EOMES: variants seen among roughly 807,000 people sequenced by gnomAD.
The protein encoded by EOMES is eomesodermin.
In EOMES, 18 loss-of-function variants were observed where a neutral mutation model predicts 61.0. The ratio of observed to expected loss-of-function variants is 0.30; its 90% CI spans 0.20 to 0.44. The LOEUF is 0.44. Among genes scored for constraint, EOMES ranks in the 20% least tolerant of loss-of-function variants. The pLI, the probability that EOMES is intolerant of heterozygous loss-of-function variation, is 1.00. For synonymous variants in EOMES, 430 were observed against 394.0 expected (o/e 1.09, Z -1.08); for missense variants, 885 against 939.2 (o/e 0.94, Z 0.75).
rs753008419 is a variant in EOMES, at chr3:27,722,256, G to A, written c.39C>T (p.Asn13=). The A allele has an allele frequency of 4.0e-5, 64 of 1,602,740 alleles. No individual in the cohort carries two copies. The highest frequency in any genetic ancestry group is 5.1e-5 in the Non-Finnish European group (60 of 1,175,754). ...GCGGGTAGAAGTGCGCGCCAGGCAGGTTCACTGAGCTCACCAAGAGCTGCT... is the reference window on the plus strand; with the variant it reads ...GCGGGTAGAAGTGCGCGCCAGGCAGATTCACTGAGCTCACCAAGAGCTGCT... ...LGEQLLVSSV[N]LPGAHFYPLE... is the part of the protein sequence containing the mutation. The change falls in exon 1 of 6, where the codon AAC becomes AAT. Residue 13 remains asparagine, a synonymous_variant. Coordinates refer to ENST00000449599, the MANE Select transcript of EOMES (RefSeq NM_001278182.2).
upstream of EOMES, chr3:27,722,646 C>T (rs1446555164): frequency 2.8e-6 from 3 of 1,067,488 alleles, no homozygotes; most frequent in African/African-American, 5.0e-5. Context: ...CCCCATCCAC[C>T]CACTAGCCCG....
At position 27,721,922 on chromosome 3, in the gene EOMES, C is replaced by CGGG. The variant is rs1559928835; in HGVS notation, c.372_373insCCC (p.Ala124_Ala125insPro). 1 of 1,357,570 alleles carries CGGG rather than the reference C, an allele frequency of 7.4e-7. No homozygotes were observed. The highest frequency in any genetic ancestry group is 9.4e-7 in the Non-Finnish European group (1 of 1,068,992). The allele number at this position is 1,357,570 out of a possible 1,614,324, so 84.1% of individuals were successfully genotyped here. A position where few individuals can be genotyped will look rare whatever the true frequency, so the allele number is the denominator to read the frequency against. ...CGCGCAGTGGCCGCAGCCGCGGCGG[C>CGGG]GGCGGCGGCGGCGGCTGCAGCGGCG... is the stretch of plus-strand genomic sequence containing the variant. On this transcript the variant is annotated inframe_insertion, in exon 1 of 6. Coordinates refer to ENST00000449599, the MANE Select transcript of EOMES (RefSeq NM_001278182.2). The surrounding 1 kb of genome is among the most constrained non-coding windows in gnomAD (Gnocchi z 7.4).
chr3:27,718,104 C>A (rs545209622), intron 5 of EOMES, among the ~76,000 whole-genome samples: 1 of 152,118 alleles, frequency 6.6e-6, no homozygotes, highest in Non-Finnish European at 1.5e-5. Flanking sequence ...GATCAAACCT[C>A]CTTTGTCAAT....
Position 27,720,147 on chromosome 3 carries a change from GGCCCGA to G in EOMES, c.1036+18_1036+23del, listed in dbSNP as rs768804361. The G allele has an allele frequency of 1.3e-6, 2 of 1,532,686 alleles. No homozygotes were observed. Among genetic ancestry groups the G allele is most frequent in the Non-Finnish European group, 1.7e-6 (2 of 1,143,022 alleles). The allele number at this position is 1,532,686 out of a possible 1,614,324, so 94.9% of individuals were successfully genotyped here. On this transcript the variant is annotated intron_variant, in intron 2 of 5. Coordinates refer to ENST00000449599, the MANE Select transcript of EOMES (RefSeq NM_001278182.2). ...GATTTCTTCCCGCCCGTTCCTCCCC[GGCCCGA>G]GCCTCTTCTCTGCTCACCCTGCATG...
intron 1 of EOMES, 95 bp from the exon 2 acceptor site, chr3:27,720,420 G>T: frequency 3.1e-6 from 3 of 977,570 alleles, no homozygotes; most frequent in Non-Finnish European, 1.6e-6. Flanking sequence ...CCTGGGATAG[G>T]GTCGGAACAC....
Position 27,721,817 on chromosome 3 carries a change from A to G in EOMES, c.478T>C (p.Cys160Arg). 4 of 1,512,260 alleles carry G rather than the reference A, an allele frequency of 2.6e-6. No individual in the cohort carries two copies. The highest frequency in any genetic ancestry group is 3.5e-6 in the Non-Finnish European group (4 of 1,140,406). The allele number at this position is 1,512,260 out of a possible 1,614,324, so 93.7% of individuals were successfully genotyped here. ...GPQGSELAAP[C>R]SLFPYQAAAG... Reference sequence around the variant, plus strand: ...GCCGCCTGGTACGGGAAGAGTGAGCAGGGCGCAGCCAGCTCCGACCCCTGA... The same window carrying G: ...GCCGCCTGGTACGGGAAGAGTGAGCGGGGCGCAGCCAGCTCCGACCCCTGA... The change falls in exon 1 of 6, where the codon TGC (cysteine) becomes CGC (arginine). Residue 160 changes from cysteine (C) to arginine (R), a missense_variant. Coordinates refer to ENST00000449599, the MANE Select transcript of EOMES (RefSeq NM_001278182.2). This position sits in a 1 kb window ranked among gnomAD's most constrained non-coding sequence, Gnocchi z 7.4.
At chr3:27,722,510 T>G (rs946382559), upstream of EOMES, 3 of 1,351,026 alleles carry the variant, frequency 2.2e-6, no homozygotes, top group Non-Finnish European at 2.8e-6. Context: ...CGCCGTGAGT[T>G]GGAAAGCAGG....
chr3:27,717,186 T>C lies in EOMES; in HGVS notation c.2002A>G (p.Asn668Asp). The C allele has an allele frequency of 6.2e-7, 1 of 1,614,112 alleles. No individual in the cohort carries two copies. The highest frequency in any genetic ancestry group is 8.5e-7 in the Non-Finnish European group (1 of 1,179,948). Residue 668 changes from asparagine to aspartate, a missense_variant, in exon 6 of 6, where the codon AAC becomes GAC. Asn to Asp is a conservative substitution (Grantham distance 23, BLOSUM62 1). Around this residue, in one of 3 missense-constraint regions of EOMES, gnomAD observed 259 missense variants for 282.3 expected, o/e 0.92. Coordinates refer to ENST00000449599, the MANE Select transcript of EOMES (RefSeq NM_001278182.2). This position sits in a 1 kb window ranked among gnomAD's most constrained non-coding sequence, Gnocchi z 4.5. Reference protein sequence around the residue: ...ACKRRRLSPSNSSNENSPSIK... With the variant: ...ACKRRRLSPSDSSNENSPSIK... ...GAGGGTGAATTTTCATTACTGGAGTTGCTAGGAGACAGCCGCCTTCGCTTA... is the reference window on the plus strand; with the variant it reads ...GAGGGTGAATTTTCATTACTGGAGTCGCTAGGAGACAGCCGCCTTCGCTTA...
Position 27,721,333 on chromosome 3 carries a change from G to C in EOMES, c.881+81C>G. On this transcript the variant is annotated intron_variant, in intron 1 of 5. Transcript: ENST00000449599. The surrounding 1 kb of genome is among the most constrained non-coding windows in gnomAD (Gnocchi z 7.4). ...GCACCGCGCGGAACAACTGGGTTCA[G>C]CTCCCTCATCCCGGACCTTCCCCAG... 3 of 1,224,500 alleles carry C rather than the reference G, an allele frequency of 2.4e-6. No homozygotes were observed. The South Asian group carries it at 4.0e-5, about 16-fold the overall frequency. The allele number at this position is 1,224,500 out of a possible 1,614,324, so 75.9% of individuals were successfully genotyped here. A position where few individuals can be genotyped will look rare whatever the true frequency, so the allele number is the denominator to read the frequency against.
Position 27,721,943 on chromosome 3 carries a change from C to A in EOMES, c.352G>T (p.Ala118Ser), listed in dbSNP as rs764028457. 129 of 1,387,252 alleles carry A rather than the reference C, an allele frequency of 9.3e-5. 1 individual carries two copies. The African/African-American group carries it at 1.8e-3, about 20-fold the overall frequency. The allele number at this position is 1,387,252 out of a possible 1,614,324, so 85.9% of individuals were successfully genotyped here. Residue 118 changes from alanine to serine, a missense_variant, in exon 1 of 6, where the codon GCT becomes TCT. By Grantham distance (99) the Ala-to-Ser change is moderately conservative. Around this residue, in one of 3 missense-constraint regions of EOMES, gnomAD observed 449 missense variants for 383.6 expected, o/e 1.17. Transcript: ENST00000449599. The surrounding 1 kb of genome is among the most constrained non-coding windows in gnomAD (Gnocchi z 7.4). ...GCGGCGGCGGCGGCGGCGGCTGCAG[C>A]GGCGGAGGGCAGCTCCTCCTCCCCG... ...PCGEEELPSA[A>S]AAAAAAAAAA...
intron 3 of EOMES, 114 bp from the exon 4 acceptor site, chr3:27,719,007 T>C (rs2060590317): frequency 1.3e-6 from 1 of 785,022 alleles, no homozygotes; most frequent in African/African-American, 1.8e-5. Context: ...TGCTCCTCAC[T>C]AACAGCTTTG....
chr3:27,717,506 G>A lies in EOMES; in HGVS notation c.1682C>T (p.Ser561Phe). ...AATGCCATATGGGAGCAATGTGCTA[G>A]AAGTATATTCAGATTCATAGGAACT... ...DISSYESEYT[S>F]STLLPYGIKS... Residue 561 changes from serine to phenylalanine, a missense_variant, in exon 6 of 6, where the codon TCT (serine) becomes TTT (phenylalanine). Physicochemically the swap from Ser to Phe is radical, Grantham distance 155. Around this residue, in one of 3 missense-constraint regions of EOMES, gnomAD observed 259 missense variants for 282.3 expected, o/e 0.92. Coordinates refer to ENST00000449599, the MANE Select transcript of EOMES (RefSeq NM_001278182.2). The surrounding 1 kb of genome is among the most constrained non-coding windows in gnomAD (Gnocchi z 4.5). 13 of 1,614,178 alleles carry A rather than the reference G, an allele frequency of 8.1e-6. No individual in the cohort carries two copies. The highest frequency in any genetic ancestry group is 1.1e-5 in the Non-Finnish European group (13 of 1,179,996).
At position 27,718,824 on chromosome 3, in the gene EOMES, C is replaced by G; in HGVS notation, c.1228G>C (p.Val410Leu). 2 of 1,613,606 alleles carry G rather than the reference C, an allele frequency of 1.2e-6. No homozygotes were observed. Among genetic ancestry groups the G allele is most frequent in the Non-Finnish European group, 8.5e-7 (1 of 1,179,524 alleles). Residue 410 changes from valine to leucine, a missense_variant, in exon 4 of 6, where the codon GTG (valine) becomes CTG (leucine). Val to Leu is a conservative substitution (Grantham distance 32). Coordinates refer to ENST00000449599, the MANE Select transcript of EOMES (RefSeq NM_001278182.2). Reference sequence around the variant, plus strand: ...TTTGAGGGCTCATTCAAGTCCTCCACGCCATCCTCTGTAACTTCAACAATA... The same window carrying G: ...TTTGAGGGCTCATTCAAGTCCTCCAGGCCATCCTCTGTAACTTCAACAATA... ...LHIVEVTEDG[V>L]EDLNEPSKTQ...
chr3:27,717,570 T>C lies in EOMES; in HGVS notation c.1618A>G (p.Thr540Ala). The part of the protein sequence containing the change: ...VANPPQRWLV[T>A]PVQQPGTNKL... ...TTGGTCCCAGGTTGCTGGACAGGCG[T>C]GACAAGCCACCGCTGGGGAGGGTTG... Residue 540 changes from threonine to alanine, a missense_variant, in exon 6 of 6, where the codon ACG (threonine) becomes GCG (alanine). Physicochemically the swap from Thr to Ala is moderately conservative, Grantham distance 58 (BLOSUM62 0). This residue lies in a region of EOMES where 259 missense variants were observed against 282.3 expected (regional missense o/e 0.92). Transcript: ENST00000449599. This position sits in a 1 kb window ranked among gnomAD's most constrained non-coding sequence, Gnocchi z 4.5. 3 of 1,614,154 alleles carry C rather than the reference T, an allele frequency of 1.9e-6. No homozygotes were observed. The highest frequency in any genetic ancestry group is 2.5e-6 in the Non-Finnish European group (3 of 1,180,014).
At position 27,716,845 on chromosome 3, in the gene EOMES, C is replaced by A. The variant is rs1436041043; in HGVS notation, c.*225G>T. On this transcript the variant is annotated 3_prime_UTR_variant, in exon 6 of 6. Coordinates refer to ENST00000449599, the MANE Select transcript of EOMES (RefSeq NM_001278182.2). ...GGATACCCTTCGAATTTTAAAATAC[C>A]TTAAAGTCTTCCATTAATCTTATTT... 3.8e-6 allele frequency: 2 copies of A among 523,782 alleles called. No homozygotes were observed. The highest frequency in any genetic ancestry group is 6.7e-6 in the Non-Finnish European group (2 of 298,102). 32.4% of individuals were successfully genotyped at this position (523,782 alleles called of 1,614,324 possible).
At chr3:27,719,274 A>T in intron 3 of EOMES, 86 bp downstream of exon 3, 1 of 1,343,132 alleles carries the variant, frequency 7.4e-7, no homozygotes, top group Non-Finnish European at 1.0e-6. Flanking sequence ...AATATTATAA[A>T]TACAGTGAAA....
At chr3:27,722,561 C>G (rs560560725), upstream of EOMES, 107 of 1,275,098 alleles carry the variant, frequency 8.4e-5, no homozygotes, top group South Asian at 1.0e-3. Context: ...TTTCCTTCCT[C>G]GTACCTCTTG....
intron 5 of EOMES, 52 bp downstream of exon 5, chr3:27,718,535 G>GT (rs1365071971): frequency 8.4e-7 from 1 of 1,195,070 alleles, no homozygotes. Context: ...GCCTGTTGAT[G>GT]TATGTCCTGC....
Position 27,717,463 on chromosome 3 carries a change from C to A in EOMES, c.1725G>T (p.Gln575His). 1 of 1,614,198 alleles carries A rather than the reference C, an allele frequency of 6.2e-7. No individual in the cohort carries two copies. Among genetic ancestry groups the A allele is most frequent in the Non-Finnish European group, 8.5e-7 (1 of 1,180,034 alleles). Residue 575 changes from glutamine (Q) to histidine (H), a missense_variant, in exon 6 of 6, where the codon CAG becomes CAT. Coordinates refer to ENST00000449599, the MANE Select transcript of EOMES (RefSeq NM_001278182.2). The surrounding 1 kb of genome is among the most constrained non-coding windows in gnomAD (Gnocchi z 4.5). ...GGTAATACCCCAGGGCATGGGATGT[C>A]TGAAGGGGCAAGGATTTAATGCCAT... is the stretch of plus-strand genomic sequence containing the variant. ...LPYGIKSLPLQTSHALGYYPD... is the reference protein window; with the variant it reads ...LPYGIKSLPLHTSHALGYYPD...
Sources: allele counts gnomAD v4.1 joint callset (sites outside exome capture counted in the v4.1 genomes callset), GRCh38; gene constraint gnomAD v4.1.1; regional missense constraint gnomAD v4.1.1; non-coding constraint Gnocchi (gnomAD v3.1); transcripts MANE v1.5; gene names NCBI Gene and HGNC (gene_info 2026-07-23, HGNC 2026-07-21).